Variants in KCNH7 observed in about 807,000 individuals in gnomAD.
KCNH7 encodes the protein potassium voltage-gated channel subfamily H member 7.
A neutral mutation model predicts 120.8 loss-of-function variants in KCNH7; 49 were observed. The ratio of observed to expected loss-of-function variants is 0.41; its 90% CI spans 0.32 to 0.51. The LOEUF is 0.51. Ranked by LOEUF, KCNH7 falls within the 20% of genes least tolerant of loss-of-function variation. The pLI is 0.38. For synonymous variants in KCNH7, 547 were observed against 516.1 expected, an observed-to-expected ratio of 1.06 and a Z score of -0.81; for missense variants, 1,097 against 1,446.6, an observed-to-expected ratio of 0.76 and a Z score of 3.92.
At chr2:162,460,145 T>C (rs1265220061) in intron 6 of KCNH7, among the ~76,000 whole-genome samples, 4 of 151,734 alleles carry the variant, frequency 2.6e-5, no homozygotes, top group East Asian at 1.9e-4. Flanking sequence ...AGGCTCACTT[T>C]GCTCAGCCAG....
intron 2 of KCNH7, among the ~76,000 whole-genome samples, chr2:162,667,105 G>A (rs1390511368): frequency 7.6e-5 from 11 of 144,926 alleles, no homozygotes; most frequent in African/African-American, 2.6e-4. Context: ...CTGCAGCCTC[G>A]ACCTCCCGGG....
chr2:162,626,632 G>A (rs755620704), intron 2 of KCNH7, among the ~76,000 whole-genome samples: 9 of 152,112 alleles, frequency 5.9e-5, no homozygotes, highest in African/African-American at 1.9e-4. Flanking sequence ...CAATTTATCC[G>A]AATTGTAGGC....
intron 13 of KCNH7, among the ~76,000 whole-genome samples, chr2:162,380,227 G>A (rs1024335538): frequency 6.6e-6 from 1 of 152,114 alleles, no homozygotes; most frequent in Non-Finnish European, 1.5e-5. Context: ...TCCCATATCC[G>A]TTTCCATGTG....
intron 2 of KCNH7, among the ~76,000 whole-genome samples, chr2:162,557,512 T>G (rs1470860831): frequency 1.3e-5 from 2 of 152,112 alleles, no homozygotes; most frequent in East Asian, 3.9e-4. Flanking sequence ...TGGCAAAAGA[T>G]GGGAGATGGT....
At chr2:162,424,247 A>C (rs1687790194) in intron 8 of KCNH7, among the ~76,000 whole-genome samples, 1 of 152,134 alleles carries the variant, frequency 6.6e-6, no homozygotes, top group Non-Finnish European at 1.5e-5. Flanking sequence ...TCTTTCATCT[A>C]TGGGAAGAAA....
intron 2 of KCNH7, among the ~76,000 whole-genome samples, chr2:162,554,361 C>T (rs563184363): frequency 4.2e-4 from 64 of 152,048 alleles, no homozygotes; most frequent in Non-Finnish European, 7.4e-4. Context: ...TCCATCATAG[C>T]CTTTTTTTTT....
At chr2:162,410,101 G>A (rs1687340200) in intron 9 of KCNH7, among the ~76,000 whole-genome samples, 1 of 151,816 alleles carries the variant, frequency 6.6e-6, no homozygotes. Flanking sequence ...TATGAAACCA[G>A]AAATACTCCT....
intron 2 of KCNH7, among the ~76,000 whole-genome samples, chr2:162,559,354 G>A (rs1307821654): frequency 6.6e-6 from 1 of 152,116 alleles, no homozygotes; most frequent in African/African-American, 2.4e-5. Context: ...ATCATGCAGA[G>A]AAAAAACAGT....
At chr2:162,524,529 T>G (rs1264672484) in intron 3 of KCNH7, among the ~76,000 whole-genome samples, 1 of 151,980 alleles carries the variant, frequency 6.6e-6, no homozygotes, top group Non-Finnish European at 1.5e-5. Flanking sequence ...AATTATGATC[T>G]GAATTAAGCC....
At chr2:162,688,063 T>C (rs1685959997) in intron 2 of KCNH7, among the ~76,000 whole-genome samples, 1 of 152,178 alleles carries the variant, frequency 6.6e-6, no homozygotes, top group Admixed American at 6.6e-5. Context: ...TTAGGAGGCA[T>C]GTAGATTTAA....
Position 162,411,648 on chromosome 2 carries a change from A to G in KCNH7, c.2155-11207T>C, listed in dbSNP as rs550554734. Among the ~76,000 whole-genome samples the G allele has an allele frequency of 8.8e-4, 134 of 152,134 alleles. 1 individual carries two copies. The highest frequency in any genetic ancestry group is 3.1e-3 in the African/African-American group (130 of 41,536). ...AATTTAAAAATAATTACAAAAATCT[A>G]CGATCAAGTAGGATTCATTTCATGA... On this transcript the variant is annotated intron_variant, in intron 9 of 15. Coordinates refer to ENST00000332142, the MANE Select transcript of KCNH7 (RefSeq NM_033272.4).
chr2:162,582,016 A>G lies in KCNH7; in HGVS notation c.308-44936T>C, dbSNP rs531452155. Among the ~76,000 whole-genome samples, 13 of 152,208 alleles carry G rather than the reference A, an allele frequency of 8.5e-5. 1 individual carries two copies. The South Asian group carries it at 1.7e-3, about 19-fold the overall frequency. On this transcript the variant is annotated intron_variant, in intron 2 of 15. Coordinates refer to ENST00000332142, the MANE Select transcript of KCNH7 (RefSeq NM_033272.4). ...GGAAGACCTGGGGAGATCTCCAAGC[A>G]CAAGCCAGCTTGCAAAGCAAAATAG...
At chr2:162,567,105 A>G (rs1359877828) in intron 2 of KCNH7, among the ~76,000 whole-genome samples, 1 of 152,060 alleles carries the variant, frequency 6.6e-6, no homozygotes, top group Non-Finnish European at 1.5e-5. Flanking sequence ...AGTTTTCTCC[A>G]AAGACAATAT....
At chr2:162,752,322 A>G (rs1400586583) in intron 2 of KCNH7, among the ~76,000 whole-genome samples, 4 of 152,218 alleles carry the variant, frequency 2.6e-5, no homozygotes, top group African/African-American at 9.6e-5. Flanking sequence ...ACATAGCTTT[A>G]TATCAACTAC....
At chr2:162,715,923 T>C (rs923406377) in intron 2 of KCNH7, among the ~76,000 whole-genome samples, 1 of 150,742 alleles carries the variant, frequency 6.6e-6, no homozygotes, top group African/African-American at 2.5e-5. Flanking sequence ...ACAGTATAGA[T>C]CTTTCCATCT....
At position 162,608,478 on chromosome 2, in the gene KCNH7, C is replaced by G. The variant is rs1211542032; in HGVS notation, c.308-71398G>C. Among the ~76,000 whole-genome samples the G allele has an allele frequency of 2.0e-5, 3 of 152,258 alleles. No individual in the cohort carries two copies. In the East Asian group the frequency reaches 5.8e-4, roughly 29 times the overall value. On this transcript the variant is annotated intron_variant, in intron 2 of 15. Coordinates refer to ENST00000332142, the MANE Select transcript of KCNH7 (RefSeq NM_033272.4). ...TTTCTAAGTTAGTATAATTTCCTCT[C>G]CCTTCTGGTGGGCAAGTGGGGATCA...
At chr2:162,626,016 T>G (rs1412053773) in intron 2 of KCNH7, among the ~76,000 whole-genome samples, 1 of 152,172 alleles carries the variant, frequency 6.6e-6, no homozygotes, top group Non-Finnish European at 1.5e-5. Context: ...GGGCAGCTAG[T>G]TAAATTATGG....
At chr2:162,539,991 A>G (rs1342618139) in intron 2 of KCNH7, among the ~76,000 whole-genome samples, 1 of 152,102 alleles carries the variant, frequency 6.6e-6, no homozygotes, top group Non-Finnish European at 1.5e-5. Flanking sequence ...ACATTGCCCT[A>G]AGAAGTCATC....
At chr2:162,645,952 G>A (rs1173798261) in intron 2 of KCNH7, among the ~76,000 whole-genome samples, 2 of 152,166 alleles carry the variant, frequency 1.3e-5, no homozygotes, top group Non-Finnish European at 2.9e-5. Context: ...GCCAGTCACA[G>A]TTATTTGCCC....
Sources: allele counts gnomAD v4.1 joint callset (sites outside exome capture counted in the v4.1 genomes callset), GRCh38; gene constraint gnomAD v4.1.1; transcripts MANE v1.5; gene names NCBI Gene and HGNC (gene_info 2026-07-23, HGNC 2026-07-21).